Variants in ADARB2 observed in about 807,000 individuals in gnomAD.
ADARB2 encodes inactive double-stranded RNA-specific editase B2.
A neutral mutation model predicts 62.2 loss-of-function variants in ADARB2; 25 were observed. The ratio of observed to expected loss-of-function variants is 0.40; its 90% CI spans 0.29 to 0.56. The LOEUF (loss-of-function observed/expected upper bound fraction) is 0.56. Among genes scored for constraint, ADARB2 ranks in the 20% least tolerant of loss-of-function variants. The pLI is 0.43. For missense variants in ADARB2, 1,071 were observed against 1,077.4 expected, an observed-to-expected ratio of 0.99 and a Z score of 0.08; for synonymous variants, 572 against 500.8, an observed-to-expected ratio of 1.14 and a Z score of -1.90.
rs1836698995 is a variant in ADARB2, at chr10:1,182,974, G to A, written c.*219C>T. The A allele has an allele frequency of 8.7e-6, 5 of 573,436 alleles. No individual in the cohort carries two copies. The highest frequency in any genetic ancestry group is 1.2e-5 in the Non-Finnish European group (4 of 324,858). 35.5% of individuals were successfully genotyped at this position (573,436 alleles called of 1,614,324 possible). On this transcript the variant is annotated 3_prime_UTR_variant, in exon 10 of 10. Coordinates refer to ENST00000381312, the MANE Select transcript of ADARB2 (RefSeq NM_018702.4). ...TCGGCGCTAACTCAACAGTGCATGT[G>A]CCCCTGGGTGTGGGGGACAGGGTTC...
Position 1,398,426 on chromosome 10 carries a change from C to T in ADARB2, c.101-19266G>A, listed in dbSNP as rs1028148147. On this transcript the variant is annotated intron_variant, in intron 1 of 9. Transcript: ENST00000381312. The surrounding 1 kb of genome is among the most constrained non-coding windows in gnomAD (Gnocchi z 4.1). Reference sequence around the variant, plus strand: ...CACCTGTGCATGGTTGGGAGGGAGACGGGTTTCTTCCTTGGTCCTCCCACT... The same window carrying T: ...CACCTGTGCATGGTTGGGAGGGAGATGGGTTTCTTCCTTGGTCCTCCCACT... 5.9e-5 allele frequency among the ~76,000 whole-genome samples: 9 copies of T among 152,190 alleles called. No homozygotes were observed. The highest frequency in any genetic ancestry group is 2.6e-4 in the Admixed American group (4 of 15,288).
intron 1 of ADARB2, among the ~76,000 whole-genome samples, chr10:1,388,928 T>C (rs1445496266): frequency 6.6e-6 from 1 of 152,162 alleles, no homozygotes; most frequent in Non-Finnish European, 1.5e-5. Flanking sequence ...ACAAATACAA[T>C]GTAGTAATGG....
chr10:1,655,113 G>T (rs1481203603), intron 1 of ADARB2, among the ~76,000 whole-genome samples: 1 of 152,234 alleles, frequency 6.6e-6, no homozygotes, highest in African/African-American at 2.4e-5. Context: ...CAGGGGCAGG[G>T]TTAGCCCTGC....
chr10:1,475,482 G>A (rs1831387642), intron 1 of ADARB2, among the ~76,000 whole-genome samples: 1 of 152,324 alleles, frequency 6.6e-6, no homozygotes, highest in East Asian at 1.9e-4. Flanking sequence ...CAGGGGAGGG[G>A]CCTGGAGTCT....
chr10:1,198,511 C>G (rs1836940024), intron 8 of ADARB2, among the ~76,000 whole-genome samples: 1 of 152,196 alleles, frequency 6.6e-6, no homozygotes, highest in Non-Finnish European at 1.5e-5. Flanking sequence ...TGCATGCAGG[C>G]AAGGTACCAA....
At chr10:1,677,338 G>A (rs144553770) in intron 1 of ADARB2, among the ~76,000 whole-genome samples, 1 of 152,328 alleles carries the variant, frequency 6.6e-6, no homozygotes, top group Non-Finnish European at 1.5e-5. Context: ...GATGGAAACA[G>A]GTGCAAAAGG....
In ADARB2 at chr10:1,216,975, A is replaced by C. The variant is rs754871932; in HGVS notation, c.1658T>G (p.Met553Arg). The change falls in exon 7 of 10, where the codon ATG becomes AGG. Residue 553 changes from methionine to arginine, a missense_variant. Physicochemically the swap from Met to Arg is moderately conservative, Grantham distance 91. Coordinates refer to ENST00000381312, the MANE Select transcript of ADARB2 (RefSeq NM_018702.4). ...GVLLGEQLIT[M>R]SCTDKIARWN... ...CCTGGCGATCTTGTCCGTGCAGGAC[A>C]TGGTGATCAGCTGCTCCCCCAGCAG... is the stretch of plus-strand genomic sequence containing the variant. 6.2e-7 allele frequency: 1 copy of C among 1,608,610 alleles called. No individual in the cohort carries two copies. The highest frequency in any genetic ancestry group is 8.5e-7 in the Non-Finnish European group (1 of 1,179,708).
intron 7 of ADARB2, among the ~76,000 whole-genome samples, chr10:1,205,934 C>T (rs12776339): frequency 9.3e-4 from 104 of 111,468 alleles, no homozygotes; most frequent in African/African-American, 1.4e-3. Context: ...GGGCAGCCCG[C>T]TGGGGTCAGG....
At position 1,563,624 on chromosome 10, in the gene ADARB2, T is replaced by C. The variant is rs560335895; in HGVS notation, c.100+173427A>G. Among the ~76,000 whole-genome samples the C allele has an allele frequency of 7.5e-5, 11 of 147,414 alleles. No individual in the cohort carries two copies. In the East Asian group the frequency reaches 1.8e-3, roughly 25 times the overall value. On this transcript the variant is annotated intron_variant, in intron 1 of 9. Transcript: ENST00000381312. ...CCTGTCTCTATAGGACATTTCATTT[T>C]ACTTTTTTTTTTATTATTATTATAC...
intron 2 of ADARB2, among the ~76,000 whole-genome samples, chr10:1,373,858 G>A (rs1267706444): frequency 2.0e-5 from 3 of 151,178 alleles, no homozygotes; most frequent in Admixed American, 6.6e-5. Context: ...CGTGGGCTCC[G>A]CGCACCCTTC....
At chr10:1,711,238 G>A (rs572802637) in intron 1 of ADARB2, among the ~76,000 whole-genome samples, 38 of 152,292 alleles carry the variant, frequency 2.5e-4, no homozygotes, top group Non-Finnish European at 4.9e-4. Context: ...AACATGAGAA[G>A]CTGAGAACAA....
At chr10:1,613,778 G>A (rs1233010002) in intron 1 of ADARB2, among the ~76,000 whole-genome samples, 1 of 152,218 alleles carries the variant, frequency 6.6e-6, no homozygotes, top group African/African-American at 2.4e-5. Flanking sequence ...TAATAATGGA[G>A]ATAAGGCTGG....
intron 1 of ADARB2, among the ~76,000 whole-genome samples, chr10:1,666,429 G>T (rs1431490382): frequency 6.6e-6 from 1 of 152,224 alleles, no homozygotes; most frequent in African/African-American, 2.4e-5. Flanking sequence ...CTCATGACCA[G>T]ACGCGGCTTT....
chr10:1,573,328 C>T (rs1832965744), intron 1 of ADARB2, among the ~76,000 whole-genome samples: 1 of 152,164 alleles, frequency 6.6e-6, no homozygotes. Context: ...ACTCCCCACC[C>T]CATGTGCACC....
At chr10:1,271,283 A>C (rs1347585744) in intron 3 of ADARB2, among the ~76,000 whole-genome samples, 1 of 152,158 alleles carries the variant, frequency 6.6e-6, no homozygotes, top group African/African-American at 2.4e-5. Flanking sequence ...GTGGCTTATG[A>C]GTGGTTAACC....
At chr10:1,734,018 T>C (rs77059071) in intron 1 of ADARB2, among the ~76,000 whole-genome samples, 1 of 149,300 alleles carries the variant, frequency 6.7e-6, no homozygotes, top group South Asian at 2.1e-4. Flanking sequence ...TTTTTTTTTT[T>C]CAGCAGCTTG....
chr10:1,394,644 C>T (rs1832596161), intron 1 of ADARB2, among the ~76,000 whole-genome samples: 1 of 152,162 alleles, frequency 6.6e-6, no homozygotes, highest in Non-Finnish European at 1.5e-5. Flanking sequence ...AAAGGTGGGT[C>T]ACGAGCCACA....
intron 1 of ADARB2, among the ~76,000 whole-genome samples, chr10:1,596,580 C>T (rs1467474915): frequency 1.3e-5 from 2 of 152,196 alleles, no homozygotes; most frequent in African/African-American, 4.8e-5. Flanking sequence ...AGAGATGCTT[C>T]CTGGCACAGG....
chr10:1,312,368 AG>A (rs1386726086), intron 3 of ADARB2, among the ~76,000 whole-genome samples: 1 of 152,210 alleles, frequency 6.6e-6, no homozygotes, highest in Non-Finnish European at 1.5e-5. Flanking sequence ...GGCAGGCCCC[AG>A]GCTGGCTCTG....
Sources: gnomAD v4.1 joint callset for allele counts (sites outside exome capture counted in the v4.1 genomes callset) on GRCh38, gnomAD v4.1.1 for gene constraint, Gnocchi (gnomAD v3.1) non-coding constraint, MANE v1.5 for transcripts, NCBI Gene and HGNC (gene_info 2026-07-23, HGNC 2026-07-21) for gene names.